Variants in CMPK1 observed in about 807,000 individuals in gnomAD.
CMPK1 encodes the protein cytidine/uridine monophosphate kinase 1.
Under a neutral mutation model 25.7 loss-of-function variants are expected in CMPK1, and 10 were observed. The observed-to-expected ratio is 0.39, with a 90% CI of 0.24 to 0.66. The LOEUF is 0.66. Ranked by LOEUF, CMPK1 falls within the 30% of genes least tolerant of loss-of-function variation. CMPK1 has a pLI of 0.48. For missense variants in CMPK1, 199 were observed against 280.5 expected (o/e 0.71, Z 2.08); for synonymous variants, 106 against 101.5 (o/e 1.04, Z -0.27).
intron 1 of CMPK1, among the ~76,000 whole-genome samples, chr1:47,334,444 G>T (rs1012502444): frequency 6.6e-6 from 1 of 152,338 alleles, no homozygotes; most frequent in East Asian, 1.9e-4. Context: ...GTCCCCCAGC[G>T]CGCAGAGGTT....
In CMPK1 at chr1:47,333,844, G is replaced by T; in HGVS notation, c.-102G>T. The T allele has an allele frequency of 1.3e-6, 1 of 770,910 alleles. No homozygotes were observed. The highest frequency in any genetic ancestry group is 1.6e-6 in the Non-Finnish European group (1 of 627,516). The allele number at this position is 770,910 out of a possible 1,614,324, so 47.8% of individuals were successfully genotyped here. On this transcript the variant is annotated 5_prime_UTR_variant, in exon 1 of 6. Coordinates refer to ENST00000371873, the MANE Select transcript of CMPK1 (RefSeq NM_016308.3). Reference sequence around the variant, plus strand: ...CAGCCACGGCGGCGGGGCCGCGGCGGGCGCCGGCTCAGCCCGCCCCTTTCT... The same window carrying T: ...CAGCCACGGCGGCGGGGCCGCGGCGTGCGCCGGCTCAGCCCGCCCCTTTCT...
chr1:47,337,558 A>G (rs1646408035), intron 1 of CMPK1, among the ~76,000 whole-genome samples: 2 of 151,944 alleles, frequency 1.3e-5, no homozygotes, highest in South Asian at 2.1e-4. Flanking sequence ...AATTCCAAAT[A>G]GTTTATAATT....
chr1:47,353,950 C>T lies in CMPK1; in HGVS notation c.172-14519C>T, dbSNP rs188446205. ...CAGGCTGGGCTCGAATTCCTGACCT[C>T]GGGTGATCCTCCTCCCTTGGCCTCC... On this transcript the variant is annotated intron_variant, in intron 1 of 5. Coordinates refer to ENST00000371873, the MANE Select transcript of CMPK1 (RefSeq NM_016308.3). 3.1e-4 allele frequency among the ~76,000 whole-genome samples: 47 copies of T among 152,254 alleles called. No individual in the cohort carries two copies. In the East Asian group the frequency reaches 6.8e-3, roughly 22 times the overall value.
At chr1:47,356,332 A>G (rs908323790) in intron 1 of CMPK1, among the ~76,000 whole-genome samples, 2 of 151,910 alleles carry the variant, frequency 1.3e-5, no homozygotes, top group African/African-American at 2.4e-5. Context: ...ACTTGGGTCT[A>G]TTTCTGGAGT....
chr1:47,339,861 C>G (rs2149324414), intron 1 of CMPK1, among the ~76,000 whole-genome samples: 1 of 152,010 alleles, frequency 6.6e-6, no homozygotes, highest in East Asian at 1.9e-4. Flanking sequence ...GCACCCACCA[C>G]AACGCGTGGC....
intron 1 of CMPK1, among the ~76,000 whole-genome samples, chr1:47,334,632 T>TG (rs1254622774): frequency 6.6e-6 from 1 of 152,178 alleles, no homozygotes; most frequent in Non-Finnish European, 1.5e-5. Context: ...AGGAGGCCCG[T>TG]GGGGCGGGGT....
chr1:47,334,204 G>A (rs965515527), intron 1 of CMPK1, 88 bp downstream of exon 1: 22 of 1,167,218 alleles, frequency 1.9e-5, no homozygotes, highest in Non-Finnish European at 2.0e-5. Context: ...GCCCCGCGGA[G>A]TCGCCGAGCC....
At chr1:47,368,913 T>C (rs1311169087) in intron 2 of CMPK1, among the ~76,000 whole-genome samples, 1 of 152,148 alleles carries the variant, frequency 6.6e-6, no homozygotes, top group African/African-American at 2.4e-5. Flanking sequence ...CTGGGAAACA[T>C]AGTGAGACCT....
rs905419751 is a variant in CMPK1, at chr1:47,375,297, AGT to A, written c.645+7_645+8del. On this transcript the variant is annotated splice_donor_5th_base_variant and intron_variant, in intron 5 of 5. Coordinates refer to ENST00000371873, the MANE Select transcript of CMPK1 (RefSeq NM_016308.3). ...TGCTTCTAAATCTGTTGATGAAGTA[AGT>A]GTTCCTAGCCTGTCTTTAAAAAAAT... The A allele has an allele frequency of 1.0e-5, 16 of 1,541,234 alleles. No homozygotes were observed. The highest frequency in any genetic ancestry group is 1.4e-5 in the Non-Finnish European group (16 of 1,128,258).
chr1:47,347,188 C>T (rs909196384), intron 1 of CMPK1, among the ~76,000 whole-genome samples: 2 of 148,844 alleles, frequency 1.3e-5, no homozygotes, highest in Non-Finnish European at 3.0e-5. Context: ...TCTTTCCTTC[C>T]TTCCTTCTTT....
At chr1:47,376,641 T>G (rs1286520270) in intron 5 of CMPK1, 63 bp from the exon 6 acceptor site, 1 of 1,049,190 alleles carries the variant, frequency 9.5e-7, no homozygotes, top group Non-Finnish European at 1.5e-6. Flanking sequence ...TAATAAGAAC[T>G]TAGCTGTATG....
At chr1:47,347,375 A>T (rs1224403651) in intron 1 of CMPK1, among the ~76,000 whole-genome samples, 2 of 150,896 alleles carry the variant, frequency 1.3e-5, no homozygotes, top group Non-Finnish European at 3.0e-5. Context: ...ATACCTCTCT[A>T]ATGTTTAAAA....
intron 1 of CMPK1, among the ~76,000 whole-genome samples, chr1:47,353,625 CCTTA>C (rs1273287158): frequency 3.3e-5 from 5 of 152,042 alleles, no homozygotes; most frequent in South Asian, 4.2e-4. Flanking sequence ...GGATTCTTAT[CCTTA>C]CTTCATGTGA....
Position 47,376,807 on chromosome 1 carries a change from G to C in CMPK1, c.*62G>C. On this transcript the variant is annotated 3_prime_UTR_variant, in exon 6 of 6. Coordinates refer to ENST00000371873, the MANE Select transcript of CMPK1 (RefSeq NM_016308.3). ...ATATTGCTTTGATAGCTGCTATCAT[G>C]ACCCCTTTTTAAGGCAATTCTAATC... 1 of 928,474 alleles carries C rather than the reference G, an allele frequency of 1.1e-6. No homozygotes were observed. The highest frequency in any genetic ancestry group is 2.6e-5 in the East Asian group (1 of 39,118). The allele number at this position is 928,474 out of a possible 1,614,324, so 57.5% of individuals were successfully genotyped here. A position where few individuals can be genotyped will look rare whatever the true frequency, so the allele number is the denominator to read the frequency against.
At chr1:47,346,383 A>C (rs945394451) in intron 1 of CMPK1, among the ~76,000 whole-genome samples, 1 of 152,110 alleles carries the variant, frequency 6.6e-6, no homozygotes, top group Non-Finnish European at 1.5e-5. Flanking sequence ...AAGTAACCAC[A>C]CTTACTAATG....
chr1:47,363,840 C>T (rs932180720), intron 1 of CMPK1, among the ~76,000 whole-genome samples: 1 of 146,802 alleles, frequency 6.8e-6, no homozygotes, highest in African/African-American at 2.5e-5. Flanking sequence ...CTCCTCGGGA[C>T]GTTGAGGCAG....
intron 1 of CMPK1, among the ~76,000 whole-genome samples, chr1:47,351,125 C>T (rs1646520025): frequency 6.6e-6 from 1 of 151,818 alleles, no homozygotes; most frequent in Non-Finnish European, 1.5e-5. Context: ...GCTTTGTTGC[C>T]CAGGGTGGAG....
At chr1:47,372,808 CT>C (rs1557433293) in intron 2 of CMPK1, 146 bp from the exon 3 acceptor site, 36 of 398,726 alleles carry the variant, frequency 9.0e-5, no homozygotes, top group Non-Finnish European at 1.2e-4. Context: ...TTCTTTTTTT[CT>C]TTTCTTTTTT....
chr1:47,337,843 C>T lies in CMPK1; in HGVS notation c.171+3727C>T, dbSNP rs528153059. ...GGCCAGGCTGGTCTCGAACTCCTGA[C>T]CTCGTGATCCACCCACCTTGGCCTC... On this transcript the variant is annotated intron_variant, in intron 1 of 5. Transcript: ENST00000371873. 3.9e-5 allele frequency among the ~76,000 whole-genome samples: 6 copies of T among 152,236 alleles called. No individual in the cohort carries two copies. The South Asian group carries it at 1.2e-3, about 32-fold the overall frequency.
Sources: gnomAD v4.1 joint callset for allele counts (sites outside exome capture counted in the v4.1 genomes callset) on GRCh38, gnomAD v4.1.1 for gene constraint, MANE v1.5 for transcripts, NCBI Gene and HGNC (gene_info 2026-07-23, HGNC 2026-07-21) for gene names.